DNM3: variants seen among roughly 807,000 people sequenced by gnomAD.
The protein encoded by DNM3 is dynamin 3.
A neutral mutation model predicts 101.6 loss-of-function variants in DNM3; 47 were observed. The ratio of observed to expected loss-of-function variants is 0.46; its 90% CI spans 0.37 to 0.59. DNM3 has a LOEUF of 0.59. Ranked by LOEUF, DNM3 falls within the 20% of genes least tolerant of loss-of-function variation. The pLI is 0.00. For missense variants in DNM3, 849 were observed against 1,085.7 expected, an observed-to-expected ratio of 0.78 and a Z score of 3.06; for synonymous variants, 385 against 387.9, an observed-to-expected ratio of 0.99 and a Z score of 0.09.
intron 18 of DNM3, among the ~76,000 whole-genome samples, chr1:172,379,508 T>C (rs1470822297): frequency 1.3e-5 from 2 of 152,054 alleles, no homozygotes; most frequent in Non-Finnish European, 2.9e-5. Flanking sequence ...AGAAACCAGA[T>C]GCCCTGGCTC....
At chr1:172,303,180 AC>A (rs1476355619) in intron 15 of DNM3, among the ~76,000 whole-genome samples, 1 of 152,106 alleles carries the variant, frequency 6.6e-6, no homozygotes, top group Non-Finnish European at 1.5e-5. Context: ...TGTAGAGAAG[AC>A]CTTAAATGAC....
At chr1:171,992,824 A>G (rs1406570256) in intron 4 of DNM3, among the ~76,000 whole-genome samples, 3 of 151,106 alleles carry the variant, frequency 2.0e-5, no homozygotes, top group Non-Finnish European at 4.4e-5. Context: ...TTTGTGTTAA[A>G]TATTTATTTT....
At position 171,868,484 on chromosome 1, in the gene DNM3, A is replaced by T. The variant is rs1373294181; in HGVS notation, c.161+26667A>T. The stretch of plus-strand genomic sequence containing the variant: ...CTGCGCATTGCGTGAATAAGTGGAA[A>T]TTTTCGAGCAAGAAATAGCTTCATG... On this transcript the variant is annotated intron_variant, in intron 1 of 20. Transcript: ENST00000627582. Among the ~76,000 whole-genome samples, 10 of 152,240 alleles carry T rather than the reference A, an allele frequency of 6.6e-5. No individual in the cohort carries two copies. The East Asian group carries it at 1.7e-3, about 26-fold the overall frequency.
At chr1:172,323,447 T>C in intron 17 of DNM3, 107 bp downstream of exon 17, 1 of 1,372,518 alleles carries the variant, frequency 7.3e-7, no homozygotes, top group Non-Finnish European at 1.0e-6. Flanking sequence ...CTGTCATCTG[T>C]TACAGTGCAC....
intron 1 of DNM3, among the ~76,000 whole-genome samples, chr1:171,873,044 GTTA>G (rs906657897): frequency 1.3e-5 from 2 of 152,100 alleles, no homozygotes; most frequent in Admixed American, 1.3e-4. Context: ...CTCACATTTT[GTTA>G]TTGTAGTTAT....
rs1159604602 is a variant in DNM3 at position 171,882,452 on chromosome 1, CA to C, written c.162-39295del. 8.5e-4 allele frequency among the ~76,000 whole-genome samples: 129 copies of C among 151,512 alleles called. 1 individual carries two copies. The highest frequency in any genetic ancestry group is 2.8e-3 in the African/African-American group (114 of 41,184). On this transcript the variant is annotated intron_variant, in intron 1 of 20. Transcript: ENST00000627582. ...CTATACACACACACACACACACACA[CA>C]CACACACACACGCACCATTTAAGAG...
intron 15 of DNM3, chr1:172,289,810 C>T: frequency 1.0e-6 from 1 of 984,614 alleles, no homozygotes; most frequent in Non-Finnish European, 1.2e-6. Context: ...CAAAAATTTG[C>T]ATGGAGTTTT....
At chr1:172,281,105 G>A (rs992695005) in intron 15 of DNM3, among the ~76,000 whole-genome samples, 5 of 151,772 alleles carry the variant, frequency 3.3e-5, no homozygotes, top group African/African-American at 1.2e-4. Context: ...GTGTGATAAT[G>A]GAGAGAGTGT....
intron 13 of DNM3, among the ~76,000 whole-genome samples, chr1:172,113,684 C>A (rs1037536210): frequency 1.4e-5 from 2 of 142,272 alleles, no homozygotes; most frequent in South Asian, 2.4e-4. Flanking sequence ...TAAATTTTTA[C>A]TTTCCTGGCA....
rs563458331 is a variant in DNM3, at chr1:172,058,073, C to A, written c.1335+9323C>A. Among the ~76,000 whole-genome samples, 6 of 135,564 alleles carry A rather than the reference C, an allele frequency of 4.4e-5. No homozygotes were observed. The East Asian group carries it at 1.7e-3, about 38-fold the overall frequency. 88.9% of individuals were successfully genotyped at this position (135,564 alleles called of 152,430 possible). On this transcript the variant is annotated intron_variant, in intron 10 of 20. Transcript: ENST00000627582. ...GTCTCTGATAAAACAGACTTTAAAC[C>A]AACAAAGATCAAAAGAGACAAAGAA...
intron 1 of DNM3, among the ~76,000 whole-genome samples, chr1:171,855,794 T>C (rs954511241): frequency 6.6e-6 from 1 of 152,230 alleles, no homozygotes; most frequent in Non-Finnish European, 1.5e-5. Context: ...ATGCATAGTT[T>C]GCAAAAATTT....
At chr1:172,314,884 C>T (rs111467212) in intron 16 of DNM3, among the ~76,000 whole-genome samples, 1 of 152,170 alleles carries the variant, frequency 6.6e-6, no homozygotes, top group Non-Finnish European at 1.5e-5. Context: ...TTGAAGAGAG[C>T]AGTGGTTCTC....
At chr1:171,992,742 G>A (rs2045722318) in intron 4 of DNM3, among the ~76,000 whole-genome samples, 1 of 151,954 alleles carries the variant, frequency 6.6e-6, no homozygotes, top group Non-Finnish European at 1.5e-5. Context: ...GAATTTATGT[G>A]TGCTATTTTG....
chr1:172,098,611 G>A (rs1286322553), intron 13 of DNM3, among the ~76,000 whole-genome samples: 2 of 152,166 alleles, frequency 1.3e-5, no homozygotes, highest in African/African-American at 2.4e-5. Context: ...AATCACAAGG[G>A]TATTGATTGG....
intron 13 of DNM3, among the ~76,000 whole-genome samples, chr1:172,129,285 G>T (rs1434584869): frequency 6.6e-6 from 1 of 152,156 alleles, no homozygotes; most frequent in Non-Finnish European, 1.5e-5. Context: ...CGGGCTTCAA[G>T]CTTCATTGTG....
rs148258267 is a variant in DNM3, at chr1:171,960,935, G to A, written c.236-26721G>A. ...GTTCTTCTGCTGAGGATGAGGGTAA[G>A]GGAGGCAGTTGAGTTGGAAGTAGTA... On this transcript the variant is annotated intron_variant, in intron 2 of 20. Transcript: ENST00000627582. Among the ~76,000 whole-genome samples, 3 of 152,212 alleles carry A rather than the reference G, an allele frequency of 2.0e-5. No individual in the cohort carries two copies. The East Asian group carries it at 5.8e-4, about 29-fold the overall frequency.
intron 16 of DNM3, among the ~76,000 whole-genome samples, chr1:172,322,260 C>T (rs748222617): frequency 2.5e-4 from 38 of 152,152 alleles, no homozygotes; most frequent in African/African-American, 7.7e-4. Context: ...CCTGTGACTC[C>T]GCCCTGTTCT....
At chr1:172,038,100 A>G (rs968607343) in intron 6 of DNM3, among the ~76,000 whole-genome samples, 35 of 152,184 alleles carry the variant, frequency 2.3e-4, no homozygotes, top group South Asian at 1.7e-3. Context: ...GAGTGACTCT[A>G]AATGAAGGAA....
At chr1:171,990,750 G>C (rs1440409131) in intron 4 of DNM3, among the ~76,000 whole-genome samples, 4 of 151,974 alleles carry the variant, frequency 2.6e-5, no homozygotes, top group African/African-American at 9.7e-5. Flanking sequence ...CAATTCTTAG[G>C]CCTTTCCAGA....
Sources: allele counts gnomAD v4.1 joint callset (sites outside exome capture counted in the v4.1 genomes callset), GRCh38; gene constraint gnomAD v4.1.1; transcripts MANE v1.5; gene names NCBI Gene and HGNC (gene_info 2026-07-23, HGNC 2026-07-21).